The following ARHGAP6 variants were observed in gnomAD, a reference collection of about 807,000 sequenced individuals.
ARHGAP6 encodes the protein Rho GTPase activating protein 6, also known as rho GTPase-activating protein 6.
ARHGAP6 carries 16 observed loss-of-function variants against 55.7 expected under a neutral mutation model. That is an observed-to-expected ratio of 0.29 (90% confidence interval 0.19 to 0.44). The LOEUF is 0.44. Ranked by LOEUF, ARHGAP6 falls within the 20% of genes least tolerant of loss-of-function variation. ARHGAP6 has a pLI of 1.00. For missense variants in ARHGAP6, 698 were observed against 808.9 expected, an observed-to-expected ratio of 0.86 and a Z score of 1.66; for synonymous variants, 382 against 360.9, an observed-to-expected ratio of 1.06 and a Z score of -0.66.
chrX:11,356,887 A>G (rs2048936857), intron 1 of ARHGAP6, among the ~76,000 whole-genome samples: 2 of 112,284 alleles, frequency 1.8e-5, no homozygotes, highest in Non-Finnish European at 3.8e-5. Flanking sequence ...TTAACACAAA[A>G]TATCCATATT....
intron 1 of ARHGAP6, among the ~76,000 whole-genome samples, chrX:11,569,302 G>A (rs2051484302): frequency 9.0e-6 from 1 of 111,049 alleles, no homozygotes; most frequent in African/African-American, 3.3e-5. Context: ...GGCCCCAAAT[G>A]TCAATGGTGT....
At chrX:11,569,433 G>A (rs1392654131) in intron 1 of ARHGAP6, among the ~76,000 whole-genome samples, 1 of 111,794 alleles carries the variant, frequency 8.9e-6, no homozygotes, top group Non-Finnish European at 1.9e-5. Context: ...TGCAGGTGCT[G>A]GGAGAAGGTA....
chrX:11,591,005 A>G (rs977707502), intron 1 of ARHGAP6, among the ~76,000 whole-genome samples: 2 of 108,186 alleles, frequency 1.8e-5, no homozygotes, highest in Non-Finnish European at 3.8e-5. Context: ...AATCCTAGCC[A>G]AGATGGTGAA....
chrX:11,485,926 G>A (rs905880718), intron 1 of ARHGAP6, among the ~76,000 whole-genome samples: 3 of 111,915 alleles, frequency 2.7e-5, no homozygotes, highest in East Asian at 2.8e-4. Context: ...GCTGGTCCCC[G>A]ATTCTTTCTT....
intron 1 of ARHGAP6, among the ~76,000 whole-genome samples, chrX:11,489,280 T>G (rs1175139886): frequency 9.0e-6 from 1 of 111,549 alleles, no homozygotes; most frequent in Non-Finnish European, 1.9e-5. Context: ...GAGGCCCAAT[T>G]AGGAGATGGC....
chrX:11,383,835 C>T (rs1415086285), intron 1 of ARHGAP6, among the ~76,000 whole-genome samples: 9 of 110,942 alleles, frequency 8.1e-5, no homozygotes, highest in Admixed American at 6.7e-4. Flanking sequence ...AAGAAATTAT[C>T]AAACTATAAA....
At chrX:11,175,667 A>C (rs771813768) in intron 8 of ARHGAP6, among the ~76,000 whole-genome samples, 69 of 111,270 alleles carry the variant, frequency 6.2e-4, no homozygotes, top group African/African-American at 2.2e-3. Flanking sequence ...GAGACCTGGA[A>C]ATGTTTGGAG....
intron 1 of ARHGAP6, among the ~76,000 whole-genome samples, chrX:11,645,865 G>T: frequency 8.9e-6 from 1 of 111,932 alleles, no homozygotes. Context: ...ACTTCATAAC[G>T]AAATTAAATG....
At chrX:11,465,226 G>A (rs1384115502) in intron 1 of ARHGAP6, among the ~76,000 whole-genome samples, 1 of 111,775 alleles carries the variant, frequency 8.9e-6, no homozygotes, top group African/African-American at 3.3e-5. Flanking sequence ...TGGGCTTTGC[G>A]TGCAACTCTA....
intron 1 of ARHGAP6, among the ~76,000 whole-genome samples, chrX:11,440,766 C>T (rs1197497564): frequency 8.9e-6 from 1 of 112,253 alleles, no homozygotes; most frequent in Non-Finnish European, 1.9e-5. Context: ...TTGTTGAATG[C>T]TGTTACTAAA....
At chrX:11,266,224 G>C (rs1007031888) in intron 1 of ARHGAP6, among the ~76,000 whole-genome samples, 1 of 110,428 alleles carries the variant, frequency 9.1e-6, no homozygotes, top group Non-Finnish European at 1.9e-5. Flanking sequence ...TTTTCCACAG[G>C]GATCTACAAA....
At chrX:11,494,410 A>G (rs763541490) in intron 1 of ARHGAP6, among the ~76,000 whole-genome samples, 78 of 112,654 alleles carry the variant, frequency 6.9e-4, no homozygotes, top group Non-Finnish European at 1.2e-3. Context: ...CCTTACATTA[A>G]TTAAGAGAGA....
chrX:11,503,611 G>A (rs575980713), intron 1 of ARHGAP6, among the ~76,000 whole-genome samples: 13 of 111,528 alleles, frequency 1.2e-4, no homozygotes, highest in African/African-American at 2.9e-4. Flanking sequence ...CCAAAGACTC[G>A]TTGCAGTCAT....
intron 1 of ARHGAP6, among the ~76,000 whole-genome samples, chrX:11,529,641 G>C (rs750817838): frequency 1.8e-5 from 2 of 111,608 alleles, no homozygotes; most frequent in East Asian, 5.6e-4. Context: ...TGAAAACATA[G>C]GCTCTTGAAA....
intron 1 of ARHGAP6, chrX:11,427,615 G>T (rs2049896982): frequency 2.3e-6 from 2 of 885,498 alleles, no homozygotes; most frequent in Middle Eastern, 4.1e-4. Flanking sequence ...GGGAGGAGTG[G>T]CGCGCCTTGG....
intron 1 of ARHGAP6, among the ~76,000 whole-genome samples, chrX:11,476,861 T>C (rs1191149797): frequency 9.0e-6 from 1 of 111,520 alleles, no homozygotes; most frequent in Non-Finnish European, 1.9e-5. Context: ...ATTAAAACTA[T>C]AAAATGTTTT....
rs181700975 is a variant in ARHGAP6 at position 11,661,194 on chromosome X, G to C, written c.588+3047C>G. Among the ~76,000 whole-genome samples, 36 of 112,730 alleles carry C rather than the reference G, an allele frequency of 3.2e-4. 1 individual carries two copies. Among genetic ancestry groups the C allele is most frequent in the African/African-American group, 1.2e-3 (36 of 31,075 alleles). ...TAGGAGAAGCTCAGGATTGAAATGA[G>C]ACTTTATTCCTTTGCCTGTGATCAG... On this transcript the variant is annotated intron_variant, in intron 1 of 12. Coordinates refer to ENST00000337414, the MANE Select transcript of ARHGAP6 (RefSeq NM_013427.3).
At chrX:11,249,210 G>A (rs1389329398) in intron 2 of ARHGAP6, among the ~76,000 whole-genome samples, 1 of 111,519 alleles carries the variant, frequency 9.0e-6, no homozygotes, top group Non-Finnish European at 1.9e-5. Flanking sequence ...TAATAGGTGG[G>A]AGCTAAGCTA....
chrX:11,646,690 G>A (rs1434487824), intron 1 of ARHGAP6, among the ~76,000 whole-genome samples: 1 of 111,541 alleles, frequency 9.0e-6, no homozygotes, highest in African/African-American at 3.3e-5. Flanking sequence ...GGTTCAACTG[G>A]GGAGAGAAAT....
Sources: gnomAD v4.1 joint callset for allele counts (sites outside exome capture counted in the v4.1 genomes callset) on GRCh38, gnomAD v4.1.1 for gene constraint, MANE v1.5 for transcripts, NCBI Gene and HGNC (gene_info 2026-07-23, HGNC 2026-07-21) for gene names.